Variants in MAPK10 observed in about 807,000 individuals in gnomAD.
MAPK10 encodes JNK3 alpha protein kinase.
MAPK10 carries 25 observed loss-of-function variants against 59.3 expected under a neutral mutation model. The ratio of observed to expected loss-of-function variants is 0.42; its 90% CI spans 0.31 to 0.59. The LOEUF is 0.59. Ranked by LOEUF, MAPK10 falls within the 20% of genes least tolerant of loss-of-function variation. The probability of loss-of-function intolerance (pLI) is 0.15; values close to 1 mark genes in which losing one functional copy is unlikely to be tolerated. For synonymous variants in MAPK10, 190 were observed against 200.5 expected, an observed-to-expected ratio of 0.95 and a Z score of 0.44; for missense variants, 351 against 568.9, an observed-to-expected ratio of 0.62 and a Z score of 3.90.
At chr4:86,458,447 G>T (rs962619847) in intron 1 of MAPK10, among the ~76,000 whole-genome samples, 11 of 151,944 alleles carry the variant, frequency 7.2e-5, no homozygotes, top group Non-Finnish European at 1.5e-4. Context: ...GGGCAACAGA[G>T]CGAAACTCCA....
At chr4:86,154,608 A>G (rs762799894) in intron 4 of MAPK10, among the ~76,000 whole-genome samples, 2 of 152,092 alleles carry the variant, frequency 1.3e-5, no homozygotes, top group Non-Finnish European at 2.9e-5. Flanking sequence ...AGTCACGACA[A>G]TTTCAGATTT....
At chr4:86,181,631 T>C (rs2076958580) in intron 3 of MAPK10, among the ~76,000 whole-genome samples, 1 of 152,090 alleles carries the variant, frequency 6.6e-6, no homozygotes, top group East Asian at 1.9e-4. Flanking sequence ...GGAAATGGTG[T>C]TTTTCTGCTG....
chr4:86,045,577 G>A (rs1053740093), intron 11 of MAPK10, among the ~76,000 whole-genome samples: 2 of 151,900 alleles, frequency 1.3e-5, no homozygotes, highest in African/African-American at 4.8e-5. Flanking sequence ...GCAGACAGTG[G>A]CCCTTTGAAA....
At chr4:86,415,549 T>C (rs1282841353) in intron 1 of MAPK10, among the ~76,000 whole-genome samples, 1 of 152,218 alleles carries the variant, frequency 6.6e-6, no homozygotes, top group African/African-American at 2.4e-5. Flanking sequence ...GGCATTTTAC[T>C]TGGGTTAAAG....
At chr4:86,126,471 G>A (rs563355290) in intron 4 of MAPK10, among the ~76,000 whole-genome samples, 2 of 152,090 alleles carry the variant, frequency 1.3e-5, no homozygotes, top group South Asian at 4.2e-4. Flanking sequence ...TTTGTTGCAT[G>A]AAATTATATT....
chr4:86,304,520 G>T (rs373504297), intron 2 of MAPK10, among the ~76,000 whole-genome samples: 8 of 149,326 alleles, frequency 5.4e-5, no homozygotes, highest in South Asian at 2.1e-4. Context: ...AGCCTCCCGA[G>T]TAGCTGGGAC....
chr4:86,071,059 T>G (rs1481167459), intron 9 of MAPK10, among the ~76,000 whole-genome samples: 1 of 151,516 alleles, frequency 6.6e-6, no homozygotes, highest in Non-Finnish European at 1.5e-5. Context: ...ACCTGTTGTT[T>G]CCTGACTTTT....
At position 86,229,251 on chromosome 4, in the gene MAPK10, T is replaced by C. The variant is rs551802283; in HGVS notation, c.-6-34844A>G. On this transcript the variant is annotated intron_variant, in intron 2 of 13. Coordinates refer to ENST00000641462, the MANE Select transcript of MAPK10 (RefSeq NM_138982.4). ...CAACAATCATGTACTATTAAAATAT[T>C]TTACTGCCCACACCCCCAATACATC... Among the ~76,000 whole-genome samples, 20 of 152,264 alleles carry C rather than the reference T, an allele frequency of 1.3e-4. No individual in the cohort carries two copies. The East Asian group carries it at 2.9e-3, about 22-fold the overall frequency.
At chr4:86,173,900 G>A (rs1239618689) in intron 3 of MAPK10, among the ~76,000 whole-genome samples, 6 of 152,148 alleles carry the variant, frequency 3.9e-5, no homozygotes, top group African/African-American at 1.2e-4. Flanking sequence ...TTAGAGAAAT[G>A]CAAATCAAAA....
intron 4 of MAPK10, among the ~76,000 whole-genome samples, chr4:86,141,324 C>T (rs963233642): frequency 1.3e-5 from 2 of 152,188 alleles, no homozygotes; most frequent in Admixed American, 6.5e-5. Context: ...CAAAGAGCTA[C>T]AGCAAATGCC....
intron 1 of MAPK10, among the ~76,000 whole-genome samples, chr4:86,374,975 T>A (rs1198450924): frequency 1.3e-5 from 2 of 152,232 alleles, no homozygotes; most frequent in Non-Finnish European, 2.9e-5. Context: ...TGAATTCATC[T>A]ACTCTACATG....
intron 2 of MAPK10, among the ~76,000 whole-genome samples, chr4:86,323,410 C>T (rs2095947292): frequency 6.6e-6 from 1 of 152,122 alleles, no homozygotes; most frequent in Non-Finnish European, 1.5e-5. Context: ...CCAATCTGTG[C>T]CAGGCATTGA....
At chr4:86,356,223 T>C (rs1359841286) in intron 1 of MAPK10, among the ~76,000 whole-genome samples, 1 of 152,182 alleles carries the variant, frequency 6.6e-6, no homozygotes, top group East Asian at 1.9e-4. Flanking sequence ...CAGGAGACTG[T>C]ATTCATTTCT....
chr4:86,092,633 A>C (rs2053468435), intron 9 of MAPK10, among the ~76,000 whole-genome samples: 1 of 151,870 alleles, frequency 6.6e-6, no homozygotes, highest in Non-Finnish European at 1.5e-5. Flanking sequence ...ATATATATAT[A>C]TATATTGCTA....
chr4:86,399,029 C>A (rs921345235), intron 1 of MAPK10, among the ~76,000 whole-genome samples: 2 of 152,148 alleles, frequency 1.3e-5, no homozygotes, highest in Non-Finnish European at 2.9e-5. Context: ...TGGGTTGATT[C>A]TGTCTTTGCT....
intron 1 of MAPK10, among the ~76,000 whole-genome samples, chr4:86,561,033 T>C (rs1044019699): frequency 5.9e-5 from 9 of 152,242 alleles, no homozygotes; most frequent in Non-Finnish European, 1.2e-4. Context: ...AAACAATTTT[T>C]TCCATGAATG....
At chr4:86,105,677 C>A (rs1164066052) in intron 5 of MAPK10, among the ~76,000 whole-genome samples, 2 of 152,150 alleles carry the variant, frequency 1.3e-5, no homozygotes, top group Non-Finnish European at 2.9e-5. Flanking sequence ...TGTGGCTAAT[C>A]TTGCACTTAC....
chr4:86,365,135 C>T (rs1737630796), intron 1 of MAPK10, among the ~76,000 whole-genome samples: 1 of 152,002 alleles, frequency 6.6e-6, no homozygotes, highest in Non-Finnish European at 1.5e-5. Context: ...TTTTGTATTA[C>T]TGTAACTTTG....
chr4:86,100,900 T>A, intron 8 of MAPK10, 152 bp downstream of exon 8: 2 of 595,156 alleles, frequency 3.4e-6, no homozygotes. Context: ...GAGTGTTTCT[T>A]ACCAGTAGTA....
Sources: allele counts gnomAD v4.1 joint callset (sites outside exome capture counted in the v4.1 genomes callset), GRCh38; gene constraint gnomAD v4.1.1; transcripts MANE v1.5; gene names NCBI Gene and HGNC (gene_info 2026-07-23, HGNC 2026-07-21).